The following CATSPERD variants were observed in gnomAD, a reference collection of about 807,000 sequenced individuals.
CATSPERD encodes catsper channel auxiliary subunit delta.
A neutral mutation model predicts 98.1 loss-of-function variants in CATSPERD; 86 were observed. The observed-to-expected ratio is 0.88, with a 90% confidence interval of 0.74 to 1.05. The LOEUF is 1.05. CATSPERD is among the 50% of genes least tolerant of loss of function. The pLI is 0.00. For synonymous variants in CATSPERD, 394 were observed against 390.2 expected (o/e 1.01, Z -0.12); for missense variants, 995 against 1,005.7 (o/e 0.99, Z 0.14).
rs1447313960 is a variant in CATSPERD, at chr19:5,724,794, C to A, written c.72-14C>A. 1 of 1,613,170 alleles carries A rather than the reference C, an allele frequency of 6.2e-7. No individual in the cohort carries two copies. Among genetic ancestry groups the A allele is most frequent in the Non-Finnish European group, 8.5e-7 (1 of 1,179,176 alleles). ...CAATAAAAATTGACAGATGGTCTTTCTTGTCACTTCTAGTTCTCGCACAGT... is the reference window on the plus strand; with the variant it reads ...CAATAAAAATTGACAGATGGTCTTTATTGTCACTTCTAGTTCTCGCACAGT... On this transcript the variant is annotated splice_polypyrimidine_tract_variant and intron_variant, in intron 1 of 21. Coordinates refer to ENST00000381624, the MANE Select transcript of CATSPERD (RefSeq NM_152784.4).
intron 7 of CATSPERD, among the ~76,000 whole-genome samples, chr19:5,742,749 A>T (rs1227434954): frequency 1.3e-5 from 2 of 152,260 alleles, no homozygotes; most frequent in East Asian, 3.9e-4. Context: ...TGATCGTGCC[A>T]CTGCACTCTA....
rs533028787 is a variant in CATSPERD, at chr19:5,729,150, C to CA, written c.204-721dup. On this transcript the variant is annotated intron_variant, in intron 3 of 21. Coordinates refer to ENST00000381624, the MANE Select transcript of CATSPERD (RefSeq NM_152784.4). ...CACTCTTGTCGCCCAGGCTGGCGTGCAGTGGCATGATCTTGGCTCACTGCA... is the reference window on the plus strand; with the variant it reads ...CACTCTTGTCGCCCAGGCTGGCGTGCAAGTGGCATGATCTTGGCTCACTGCA... Among the ~76,000 whole-genome samples the CA allele has an allele frequency of 2.4e-4, 36 of 151,804 alleles. No homozygotes were observed. In the South Asian group the frequency reaches 7.5e-3, roughly 32 times the overall value.
At chr19:5,722,315 GT>G (rs1439855886) in intron 1 of CATSPERD, among the ~76,000 whole-genome samples, 1 of 152,038 alleles carries the variant, frequency 6.6e-6, no homozygotes, top group African/African-American at 2.4e-5. Context: ...TAGAGACAGG[GT>G]TCCACCATGT....
intron 17 of CATSPERD, among the ~76,000 whole-genome samples, chr19:5,766,823 G>A (rs998264966): frequency 2.2e-4 from 34 of 151,298 alleles, no homozygotes; most frequent in Non-Finnish European, 3.8e-4. Context: ...CTCCCAAGTA[G>A]CTGAGATTAC....
At chr19:5,754,520 T>C (rs1599561211) in intron 13 of CATSPERD, among the ~76,000 whole-genome samples, 1 of 146,514 alleles carries the variant, frequency 6.8e-6, no homozygotes, top group East Asian at 2.2e-4. Flanking sequence ...TGCCTCAGCC[T>C]CCCGAGTAGC....
At chr19:5,733,734 G>A in intron 4 of CATSPERD, 122 bp from the exon 5 acceptor site, 1 of 674,552 alleles carries the variant, frequency 1.5e-6, no homozygotes, top group Non-Finnish European at 2.5e-6. Context: ...GGGATTACAA[G>A]CGAGGGCCAC....
In CATSPERD at chr19:5,772,936, T is replaced by A. The variant is rs371148536; in HGVS notation, c.1912T>A (p.Phe638Ile). 8 of 1,613,858 alleles carry A rather than the reference T, an allele frequency of 5.0e-6. No individual in the cohort carries two copies. Among genetic ancestry groups the A allele is most frequent in the Non-Finnish European group, 6.8e-6 (8 of 1,179,994 alleles). Residue 638 changes from phenylalanine (F) to isoleucine (I), a missense_variant, in exon 20 of 22, where the codon TTC becomes ATC. Around this residue, in one of 3 missense-constraint regions of CATSPERD, gnomAD observed 762 missense variants for 773.7 expected, o/e 0.98. Coordinates refer to ENST00000381624, the MANE Select transcript of CATSPERD (RefSeq NM_152784.4). ...GAACTGGACCACCATGATAAAGGAA[T>A]TCGGGGGGCCCTTCTTCTGGAACAG... ...PQNWTTMIKE[F>I]GGPFFWNREN...
chr19:5,769,314 A>AAAAAAAT (rs35594514), intron 18 of CATSPERD, among the ~76,000 whole-genome samples: 4 of 132,940 alleles, frequency 3.0e-5, no homozygotes, highest in African/African-American at 9.0e-5. Flanking sequence ...AAAAAAAAAA[A>AAAAAAAT]GAGGGTGGTG....
intron 12 of CATSPERD, 37 bp downstream of exon 12, chr19:5,751,860 T>G: frequency 1.3e-6 from 2 of 1,563,378 alleles, no homozygotes; most frequent in Non-Finnish European, 1.7e-6. Flanking sequence ...ATGTTCAATG[T>G]AGTTTTTAAA....
rs2056060823 is a variant in CATSPERD at position 5,744,622 on chromosome 19, ACAGAGTCTCG to A, written c.657+114_657+123del. 15 of 656,926 alleles carry A rather than the reference ACAGAGTCTCG, an allele frequency of 2.3e-5. No individual in the cohort carries two copies. The South Asian group carries it at 3.3e-4, about 14-fold the overall frequency. 40.7% of individuals were successfully genotyped at this position (656,926 alleles called of 1,614,324 possible). On this transcript the variant is annotated intron_variant, in intron 8 of 21. Transcript: ENST00000381624. ...ATTTATTTATTTAATTTTTTTTTAG[ACAGAGTCTCG>A]CTCTGTCAGCCAGGCCGGAGTGCAG...
chr19:5,766,232 CTT>C (rs2056536720), intron 17 of CATSPERD, 77 bp downstream of exon 17: 3 of 1,251,146 alleles, frequency 2.4e-6, no homozygotes, highest in South Asian at 2.8e-5. Context: ...GGGCAGATCA[CTT>C]CAGGTCAGGA....
At chr19:5,772,281 G>A in intron 19 of CATSPERD, 1 of 226,202 alleles carries the variant, frequency 4.4e-6, no homozygotes, top group South Asian at 3.7e-5. Flanking sequence ...AGGCTGGAGT[G>A]CAGCGGTGTG....
chr19:5,754,050 T>G, intron 12 of CATSPERD, 82 bp from the exon 13 acceptor site: 1 of 883,034 alleles, frequency 1.1e-6, no homozygotes. Flanking sequence ...ACCAGGAGGG[T>G]CCCTTCCTCC....
At chr19:5,762,868 A>T (rs1232572595) in intron 15 of CATSPERD, among the ~76,000 whole-genome samples, 5 of 149,792 alleles carry the variant, frequency 3.3e-5, no homozygotes, top group African/African-American at 7.4e-5. Flanking sequence ...GGATAGGTGG[A>T]TGGAATGGAT....
At position 5,772,895 on chromosome 19, in the gene CATSPERD, G is replaced by A. The variant is rs1324077041; in HGVS notation, c.1871G>A (p.Cys624Tyr). 1.9e-6 allele frequency: 3 copies of A among 1,614,126 alleles called. No homozygotes were observed. Among genetic ancestry groups the A allele is most frequent in the Non-Finnish European group, 2.5e-6 (3 of 1,180,020 alleles). Residue 624 changes from cysteine to tyrosine, a missense_variant, in exon 20 of 22, where the codon TGT becomes TAT. By Grantham distance (194) the Cys-to-Tyr change is radical (BLOSUM62 -2). Transcript: ENST00000381624. The part of the protein sequence containing the change: ...SYSLTAQSAM[C>Y]TSQPQNWTTM... ...TCCCTGACGGCCCAGTCGGCCATGT[G>A]TACCTCCCAGCCGCAGAACTGGACC...
chr19:5,775,142 C>T (rs776090244), intron 20 of CATSPERD: 4 of 405,734 alleles, frequency 9.9e-6, no homozygotes, highest in East Asian at 8.5e-5. Flanking sequence ...CTACTTGAGA[C>T]GGTCACTACA....
At chr19:5,742,837 A>G (rs1293762418) in intron 7 of CATSPERD, among the ~76,000 whole-genome samples, 2 of 152,168 alleles carry the variant, frequency 1.3e-5, no homozygotes, top group African/African-American at 4.8e-5. Context: ...AGCAGGATCT[A>G]GAGTCCCTTC....
intron 12 of CATSPERD, among the ~76,000 whole-genome samples, chr19:5,753,337 G>T (rs1211313468): frequency 1.3e-5 from 2 of 151,874 alleles, no homozygotes; most frequent in African/African-American, 4.8e-5. Context: ...AAGGTGGGTG[G>T]ATCACAAGGT....
rs549121973 is a variant in CATSPERD, at chr19:5,775,392, C to T, written c.1942-769C>T. 38 of 416,794 alleles carry T rather than the reference C, an allele frequency of 9.1e-5. No homozygotes were observed. In the East Asian group the frequency reaches 2.7e-3, roughly 29 times the overall value. 25.8% of individuals were successfully genotyped at this position (416,794 alleles called of 1,614,324 possible). ...GGTGGCCACGCCTGTAATCCCAGCA[C>T]TTTGGGAGGCTGAGGTGGGTAGATC... is the stretch of plus-strand genomic sequence containing the variant. On this transcript the variant is annotated intron_variant, in intron 20 of 21. Transcript: ENST00000381624.
Sources: allele counts gnomAD v4.1 joint callset (sites outside exome capture counted in the v4.1 genomes callset), GRCh38; gene constraint gnomAD v4.1.1; regional missense constraint gnomAD v4.1.1; transcripts MANE v1.5; gene names NCBI Gene and HGNC (gene_info 2026-07-23, HGNC 2026-07-21).